The following F13A1 variants were observed in gnomAD, a reference collection of about 807,000 sequenced individuals.
F13A1 encodes FSF, A subunit.
F13A1 carries 47 observed loss-of-function variants against 80.1 expected under a neutral mutation model. The ratio of observed to expected loss-of-function variants is 0.59; its 90% CI spans 0.46 to 0.75. F13A1 has a LOEUF of 0.75. F13A1 is among the 30% of genes least tolerant of loss of function. F13A1 has a pLI of 0.00. For missense variants in F13A1, 817 were observed against 930.4 expected (o/e 0.88, Z 1.59); for synonymous variants, 349 against 344.9 (o/e 1.01, Z -0.13).
chr6:6,233,699 A>G (rs1757380697), intron 6 of F13A1, among the ~76,000 whole-genome samples: 1 of 152,172 alleles, frequency 6.6e-6, no homozygotes, highest in South Asian at 2.1e-4. Context: ...AAAATCTTTC[A>G]CAAAATACTA....
intron 10 of F13A1, among the ~76,000 whole-genome samples, chr6:6,193,819 G>A (rs1421033384): frequency 6.6e-6 from 1 of 152,082 alleles, no homozygotes; most frequent in East Asian, 1.9e-4. Flanking sequence ...AGGGGCTCTC[G>A]TAGCATCATA....
At chr6:6,187,268 A>T (rs376370785) in intron 10 of F13A1, among the ~76,000 whole-genome samples, 2 of 100,586 alleles carry the variant, frequency 2.0e-5, no homozygotes, top group Non-Finnish European at 4.0e-5. Context: ...GTTGAATAGG[A>T]GTGGTGAGAG....
intron 12 of F13A1, among the ~76,000 whole-genome samples, chr6:6,172,333 T>G (rs1345175916): frequency 6.6e-6 from 1 of 152,218 alleles, no homozygotes; most frequent in Non-Finnish European, 1.5e-5. Flanking sequence ...ACAATCCCCA[T>G]GACTGTTGTC....
chr6:6,235,033 G>C (rs995510312), intron 6 of F13A1, among the ~76,000 whole-genome samples: 2 of 151,906 alleles, frequency 1.3e-5, no homozygotes, highest in African/African-American at 2.4e-5. Flanking sequence ...GAAATTTTAT[G>C]GATAAAGGAT....
chr6:6,299,307 T>C (rs1450638021), intron 3 of F13A1, among the ~76,000 whole-genome samples: 3 of 115,288 alleles, frequency 2.6e-5, no homozygotes, highest in Non-Finnish European at 4.9e-5. Flanking sequence ...CCTTGCTAGA[T>C]TGGGGAAGTT....
intron 11 of F13A1, among the ~76,000 whole-genome samples, chr6:6,180,127 A>G (rs535300418): frequency 6.6e-6 from 1 of 152,166 alleles, no homozygotes; most frequent in Admixed American, 6.5e-5. Flanking sequence ...TCTGGTCAGG[A>G]CTTCTTCCAA....
intron 8 of F13A1, among the ~76,000 whole-genome samples, chr6:6,208,721 T>G (rs1019471199): frequency 1.3e-5 from 2 of 152,176 alleles, no homozygotes; most frequent in Non-Finnish European, 2.9e-5. Context: ...AAAAAATAAT[T>G]TACCATGTAC....
At chr6:6,222,311 G>T in intron 7 of F13A1, 140 bp from the exon 8 acceptor site, 2 of 1,192,500 alleles carry the variant, frequency 1.7e-6, no homozygotes, top group Non-Finnish European at 2.4e-6. Context: ...AATGTTCCAT[G>T]CTGGAAAAGG....
chr6:6,318,694 A>AG lies in F13A1; in HGVS notation c.-18-13_-18-12insC. On this transcript the variant is annotated splice_polypyrimidine_tract_variant and intron_variant, in intron 1 of 14. Transcript: ENST00000264870. ...GACTTTACAAGGTCCTTCAGAAAAA[A>AG]AAAAAAAAGAAGACAACAGAAAAGG... 1 of 1,604,136 alleles carries AG rather than the reference A, an allele frequency of 6.2e-7. No homozygotes were observed. Among genetic ancestry groups the AG allele is most frequent in the Non-Finnish European group, 8.5e-7 (1 of 1,178,812 alleles).
chr6:6,266,491 C>T (rs1583102006), intron 4 of F13A1, 67 bp downstream of exon 4: 1 of 1,612,784 alleles, frequency 6.2e-7, no homozygotes. Flanking sequence ...GGAGTATAGG[C>T]ATGTGCCATG....
intron 3 of F13A1, among the ~76,000 whole-genome samples, chr6:6,292,290 C>T (rs1758234441): frequency 6.6e-6 from 1 of 152,198 alleles, no homozygotes; most frequent in Non-Finnish European, 1.5e-5. Flanking sequence ...TTCTTTATCT[C>T]ATTTGGAAGT....
intron 3 of F13A1, among the ~76,000 whole-genome samples, chr6:6,283,690 C>T (rs967457707): frequency 1.3e-5 from 2 of 151,272 alleles, no homozygotes; most frequent in East Asian, 1.9e-4. Context: ...TTTCCATCAG[C>T]GATGTAGGTT....
At chr6:6,247,422 A>G (rs2113097308) in intron 6 of F13A1, among the ~76,000 whole-genome samples, 1 of 152,282 alleles carries the variant, frequency 6.6e-6, no homozygotes, top group African/African-American at 2.4e-5. Flanking sequence ...ATTTCTTCAG[A>G]AATAATCTAC....
chr6:6,294,644 G>A (rs1357579995), intron 3 of F13A1, among the ~76,000 whole-genome samples: 3 of 151,826 alleles, frequency 2.0e-5, no homozygotes, highest in South Asian at 4.2e-4. Context: ...TATAGTGAGT[G>A]ACAGTAAGTC....
chr6:6,158,157 CCTCAGGA>C (rs1203126592), intron 13 of F13A1, among the ~76,000 whole-genome samples: 1 of 152,044 alleles, frequency 6.6e-6, no homozygotes, highest in Non-Finnish European at 1.5e-5. Flanking sequence ...GCTCAGAGTC[CCTCAGGA>C]CTCATAGGTA....
In F13A1 at chr6:6,257,644, C is replaced by T. The variant is rs145317514; in HGVS notation, c.572-6715G>A. On this transcript the variant is annotated intron_variant, in intron 4 of 14. Coordinates refer to ENST00000264870, the MANE Select transcript of F13A1 (RefSeq NM_000129.4). ...TTTGCACCCTCAGGCTACTGCCATT[C>T]ATCCATCAATTCACAGATATTGATA... Among the ~76,000 whole-genome samples the T allele has an allele frequency of 4.1e-4, 62 of 152,340 alleles. No homozygotes were observed. In the East Asian group the frequency reaches 0.011, roughly 27 times the overall value.
chr6:6,148,985 T>C (rs1760328976), intron 14 of F13A1, among the ~76,000 whole-genome samples: 1 of 125,916 alleles, frequency 7.9e-6, no homozygotes, highest in African/African-American at 3.7e-5. Context: ...CACTCACATG[T>C]AGACACTAAA....
At chr6:6,242,799 C>T (rs932258381) in intron 6 of F13A1, among the ~76,000 whole-genome samples, 1 of 152,148 alleles carries the variant, frequency 6.6e-6, no homozygotes, top group Non-Finnish European at 1.5e-5. Flanking sequence ...CAAATAATAG[C>T]ATGGTTAATT....
At position 6,305,471 on chromosome 6, in the gene F13A1, T is replaced by G; in HGVS notation, c.199A>C (p.Thr67Pro). The G allele has an allele frequency of 6.2e-7, 1 of 1,614,258 alleles. No homozygotes were observed. The highest frequency in any genetic ancestry group is 8.5e-7 in the Non-Finnish European group (1 of 1,180,040). Reference sequence around the variant, plus strand: ...AGCTTGTTGTTTTCATACTTGTCAGTGTGGTGGTCCACCTTGTTAGTGTCC... The same window carrying G: ...AGCTTGTTGTTTTCATACTTGTCAGGGTGGTGGTCCACCTTGTTAGTGTCC... The part of the protein sequence containing the change: ...RWDTNKVDHH[T>P]DKYENNKLIV... Residue 67 changes from threonine (T) to proline (P), a missense_variant, in exon 3 of 15, where the codon ACT becomes CCT. Coordinates refer to ENST00000264870, the MANE Select transcript of F13A1 (RefSeq NM_000129.4).
Sources: allele counts gnomAD v4.1 joint callset (sites outside exome capture counted in the v4.1 genomes callset), GRCh38; gene constraint gnomAD v4.1.1; transcripts MANE v1.5; gene names NCBI Gene and HGNC (gene_info 2026-07-23, HGNC 2026-07-21).